Variants in PMFBP1 observed in about 807,000 individuals in gnomAD.
The protein encoded by PMFBP1 is polyamine modulated factor 1 binding protein 1, also known as polyamine-modulated factor 1-binding protein 1.
Under a neutral mutation model 137.8 loss-of-function variants are expected in PMFBP1, and 131 were observed. That is an observed-to-expected ratio of 0.95 (90% CI 0.82 to 1.10). The LOEUF (loss-of-function observed/expected upper bound fraction) is 1.10. PMFBP1 is among the 50% of genes least tolerant of loss of function. PMFBP1 has a pLI of 0.00. For missense variants in PMFBP1, 1,199 were observed against 1,175.4 expected (o/e 1.02, Z -0.29); for synonymous variants, 490 against 450.4 (o/e 1.09, Z -1.11).
At chr16:72,221,859 C>T in the PMFBP1 span, among the ~76,000 whole-genome samples, 1 of 152,122 alleles carries the variant, frequency 6.6e-6, no homozygotes, top group African/African-American at 2.4e-5. Flanking sequence ...TGGTCTCTTG[C>T]AATATTTTAT....
intron 14 of PMFBP1, among the ~76,000 whole-genome samples, chr16:72,127,047 T>G (rs2042471551): frequency 1.3e-5 from 2 of 152,248 alleles, no homozygotes; most frequent in Non-Finnish European, 2.9e-5. Context: ...GACAGAGATC[T>G]GCTTCTGAGT....
chr16:72,243,914 A>T, the PMFBP1 span, among the ~76,000 whole-genome samples: 7 of 152,320 alleles, frequency 4.6e-5, no homozygotes, highest in Admixed American at 2.0e-4. Flanking sequence ...AGTTTTCATC[A>T]GTGGAATTTT....
chr16:72,158,117 G>A (rs1250641173), intron 3 of PMFBP1, among the ~76,000 whole-genome samples: 2 of 152,196 alleles, frequency 1.3e-5, no homozygotes, highest in Non-Finnish European at 2.9e-5. Context: ...ATAGCTGATT[G>A]TGTCAGTACA....
chr16:72,200,146 C>T, the PMFBP1 span, among the ~76,000 whole-genome samples: 1 of 152,214 alleles, frequency 6.6e-6, no homozygotes, highest in African/African-American at 2.4e-5. Context: ...CAGGCTCACT[C>T]CACTGTCACT....
the PMFBP1 span, among the ~76,000 whole-genome samples, chr16:72,243,753 A>G: frequency 6.6e-6 from 1 of 152,184 alleles, no homozygotes; most frequent in African/African-American, 2.4e-5. Flanking sequence ...CTGAGTAGGG[A>G]GAAAGAGAAT....
the PMFBP1 span, among the ~76,000 whole-genome samples, chr16:72,242,852 C>T: frequency 6.6e-6 from 1 of 152,190 alleles, no homozygotes; most frequent in East Asian, 1.9e-4. Context: ...TGAATTCTTG[C>T]ATCAAGCATG....
chr16:72,143,368 T>G (rs905191937), intron 5 of PMFBP1, among the ~76,000 whole-genome samples: 2 of 152,142 alleles, frequency 1.3e-5, no homozygotes, highest in Non-Finnish European at 2.9e-5. Flanking sequence ...TTTAGGAAAA[T>G]CCAAGACAGT....
chr16:72,241,955 C>T, the PMFBP1 span, among the ~76,000 whole-genome samples: 2 of 152,148 alleles, frequency 1.3e-5, no homozygotes, highest in Admixed American at 6.5e-5. Flanking sequence ...GTCTCCTTCT[C>T]ATTATGTATG....
At chr16:72,176,859 A>T (rs1376912840), upstream of PMFBP1, 10 of 152,152 alleles carry the variant, frequency 6.6e-5, no homozygotes, top group Admixed American at 6.5e-4. Flanking sequence ...TATACTCTAC[A>T]TTTTGGAACC....
At chr16:72,194,754 C>T in the PMFBP1 span, among the ~76,000 whole-genome samples, 3 of 152,268 alleles carry the variant, frequency 2.0e-5, no homozygotes, top group South Asian at 6.2e-4. Context: ...GACAAAGAAG[C>T]TAAGGCACTG....
chr16:72,181,324 G>A (rs996204533), upstream of PMFBP1, among the ~76,000 whole-genome samples: 13 of 151,876 alleles, frequency 8.6e-5, no homozygotes, highest in African/African-American at 2.9e-4. Context: ...GCATTTTATT[G>A]GAAGACATTT....
chr16:72,213,956 T>C, the PMFBP1 span, among the ~76,000 whole-genome samples: 13 of 152,190 alleles, frequency 8.5e-5, no homozygotes, highest in Non-Finnish European at 1.9e-4. Flanking sequence ...ATATTGAATA[T>C]ATAACTGAAA....
rs1164013659 is a variant in PMFBP1 at position 72,129,361 on chromosome 16, AT to A, written c.1783-129del. Reference sequence around the variant, plus strand: ...AGACAATTCCTTAGTTATATAGCATATGTAAAATAAAAGGTTTCCTCCAACG... The same window carrying A: ...AGACAATTCCTTAGTTATATAGCATAGTAAAATAAAAGGTTTCCTCCAACG... On this transcript the variant is annotated intron_variant, in intron 12 of 20. Coordinates refer to ENST00000237353, the MANE Select transcript of PMFBP1 (RefSeq NM_031293.3). The A allele has an allele frequency of 5.6e-5, 60 of 1,067,018 alleles. 1 individual carries two copies. The Admixed American group carries it at 1.4e-3, about 25-fold the overall frequency. 66.1% of individuals were successfully genotyped at this position (1,067,018 alleles called of 1,614,324 possible).
upstream of PMFBP1, among the ~76,000 whole-genome samples, chr16:72,174,778 T>C (rs954728497): frequency 7.2e-5 from 11 of 152,102 alleles, no homozygotes; most frequent in Non-Finnish European, 1.6e-4. Flanking sequence ...ACTCATTCAC[T>C]ATCACGAGAA....
chr16:72,189,541 G>A, the PMFBP1 span, among the ~76,000 whole-genome samples: 1 of 152,202 alleles, frequency 6.6e-6, no homozygotes, highest in African/African-American at 2.4e-5. Context: ...AAAACCAGAG[G>A]AGGGGCCTCT....
At chr16:72,145,877 G>A (rs1441528833) in intron 5 of PMFBP1, among the ~76,000 whole-genome samples, 1 of 152,156 alleles carries the variant, frequency 6.6e-6, no homozygotes, top group Non-Finnish European at 1.5e-5. Context: ...ATGAAATTGA[G>A]GCAATAATTA....
chr16:72,206,407 T>C, the PMFBP1 span, among the ~76,000 whole-genome samples: 3 of 152,342 alleles, frequency 2.0e-5, no homozygotes, highest in Admixed American at 6.5e-5. Flanking sequence ...CTCGTGGCCA[T>C]GACATCAGCA....
At chr16:72,163,122 C>T (rs533446840) in intron 3 of PMFBP1, among the ~76,000 whole-genome samples, 2 of 152,308 alleles carry the variant, frequency 1.3e-5, no homozygotes, top group South Asian at 2.1e-4. Flanking sequence ...AACACAGTGG[C>T]GGCTTCACAG....
At chr16:72,203,701 T>C in the PMFBP1 span, among the ~76,000 whole-genome samples, 1 of 152,180 alleles carries the variant, frequency 6.6e-6, no homozygotes, top group Non-Finnish European at 1.5e-5. Context: ...GTTTCCTTGG[T>C]GCCCTGGTGT....
Sources: allele counts gnomAD v4.1 joint callset (sites outside exome capture counted in the v4.1 genomes callset), GRCh38; gene constraint gnomAD v4.1.1; transcripts MANE v1.5; gene names NCBI Gene and HGNC (gene_info 2026-07-23, HGNC 2026-07-21).